IFT172: variants seen among roughly 807,000 people sequenced by gnomAD.
IFT172 encodes intraflagellar transport 172, also known as intraflagellar transport protein 172 homolog.
In IFT172, 164 loss-of-function variants were observed where a neutral mutation model predicts 248.9. That is an observed-to-expected ratio of 0.66 (90% confidence interval 0.58 to 0.75). The LOEUF is 0.75. IFT172 is among the 30% of genes least tolerant of loss of function. IFT172 has a pLI of 0.00. For synonymous variants in IFT172, 729 were observed against 791.6 expected (o/e 0.92, Z 1.33); for missense variants, 1,950 against 2,192.4 (o/e 0.89, Z 2.21).
chr2:27,478,360 T>G (rs913318213), intron 10 of IFT172, among the ~76,000 whole-genome samples: 1 of 152,248 alleles, frequency 6.6e-6, no homozygotes, highest in Non-Finnish European at 1.5e-5. Flanking sequence ...TATTATCTCT[T>G]TTGACACTCA....
At position 27,449,732 on chromosome 2, in the gene IFT172, C is replaced by T; in HGVS notation, c.4119G>A (p.Glu1373=). ...TAGCTACACGCTTCGCCTTGTTCCA[C>T]TCCTCACCCTCGATGAAAGCATCGA... ...EAIDAFIEGE[E]WNKAKRVAKE... The change falls in exon 37 of 48, where the codon GAG becomes GAA. Residue 1373 remains glutamate (E), a synonymous_variant. Coordinates refer to ENST00000260570, the MANE Select transcript of IFT172 (RefSeq NM_015662.3). 6.2e-7 allele frequency: 1 copy of T among 1,614,130 alleles called. No homozygotes were observed. The highest frequency in any genetic ancestry group is 8.5e-7 in the Non-Finnish European group (1 of 1,179,972).
chr2:27,484,098 A>T, intron 4 of IFT172, 129 bp downstream of exon 4: 1 of 1,383,500 alleles, frequency 7.2e-7, no homozygotes, highest in Non-Finnish European at 1.0e-6. Context: ...ACAGCCATGA[A>T]GCACCATCCT....
intron 47 of IFT172, 55 bp downstream of exon 47, chr2:27,444,959 T>C: frequency 6.3e-7 from 1 of 1,580,066 alleles, no homozygotes; most frequent in South Asian, 1.2e-5. Flanking sequence ...TTGTTTTTTT[T>C]TCTTTTTTTA....
Position 27,470,946 on chromosome 2 carries a change from G to GA in IFT172, c.1673dup (p.Thr559HisfsTer6). The GA allele has an allele frequency of 6.2e-7, 1 of 1,606,776 alleles. No homozygotes were observed. Among genetic ancestry groups the GA allele is most frequent in the East Asian group, 2.2e-5 (1 of 44,746 alleles). On this transcript the variant is annotated frameshift_variant, in exon 16 of 48. Transcript: ENST00000260570. LOFTEE classifies it high-confidence loss of function. The stretch of plus-strand genomic sequence containing the variant: ...AACATACCCTAATAGTGAACATGGT[G>GA]ACTCTCTCAGGTGCCTCAATGTTGT...
intron 18 of IFT172, among the ~76,000 whole-genome samples, chr2:27,464,697 C>G (rs1424644672): frequency 6.6e-6 from 1 of 151,996 alleles, no homozygotes; most frequent in Non-Finnish European, 1.5e-5. Context: ...CAGCTCACCG[C>G]AACTTTGCCT....
In IFT172 at chr2:27,446,132, TAGG is replaced by T. The variant is rs139979160; in HGVS notation, c.4755+125_4755+127del. 6.1e-3 allele frequency: 7,964 copies of T among 1,314,776 alleles called. 368 individuals are homozygous for T. In the African/African-American group the frequency reaches 0.1, roughly 17 times the overall value. The allele number at this position is 1,314,776 out of a possible 1,614,324, so 81.4% of individuals were successfully genotyped here. A position where few individuals can be genotyped will look rare whatever the true frequency, so the allele number is the denominator to read the frequency against. On this transcript the variant is annotated intron_variant, in intron 43 of 47. Coordinates refer to ENST00000260570, the MANE Select transcript of IFT172 (RefSeq NM_015662.3). ...CCAGGGAGAAAAATCCAGGAAGACATAGGAGGACTACATCCTCCGTAACATCAG... is the reference window on the plus strand; with the variant it reads ...CCAGGGAGAAAAATCCAGGAAGACATAGGACTACATCCTCCGTAACATCAG...
intron 43 of IFT172, 132 bp downstream of exon 43, chr2:27,446,128 G>T: frequency 7.6e-7 from 1 of 1,321,206 alleles, no homozygotes; most frequent in East Asian, 2.3e-5. Context: ...AATCCAGGAA[G>T]ACATAGGAGG....
At chr2:27,449,424 T>C in intron 38 of IFT172, 44 bp from the exon 39 acceptor site, 3 of 1,614,010 alleles carry the variant, frequency 1.9e-6, no homozygotes, top group South Asian at 2.2e-5. Flanking sequence ...AGAGATGACA[T>C]GAGGGAAAGA....
At position 27,461,058 on chromosome 2, in the gene IFT172, C is replaced by G. The variant is rs773740605; in HGVS notation, c.2478G>C (p.Gln826His). The change falls in exon 23 of 48, where the codon CAG becomes CAC. Residue 826 changes from glutamine (Q) to histidine (H), a missense_variant. Coordinates refer to ENST00000260570, the MANE Select transcript of IFT172 (RefSeq NM_015662.3). ...CTTTACGGTAGCACTCCAGGGCCTT[C>G]TGTGGATTGTGAATCTTCTCAAAGA... ...GDLFEKIHNP[Q>H]KALECYRKGN... 1 of 1,614,150 alleles carries G rather than the reference C, an allele frequency of 6.2e-7. No individual in the cohort carries two copies. The highest frequency in any genetic ancestry group is 8.5e-7 in the Non-Finnish European group (1 of 1,180,024).
Position 27,459,532 on chromosome 2 carries a change from T to C in IFT172, c.2643-10A>G, listed in dbSNP as rs1205300656. The C allele has an allele frequency of 1.2e-6, 2 of 1,613,892 alleles. No individual in the cohort carries two copies. Among genetic ancestry groups the C allele is most frequent in the East Asian group, 2.2e-5 (1 of 44,876 alleles). ...TGCCTTAATGGAGCACCTGGCAAAG[T>C]TGGGAAAGATATAAATATGTAGGAT... On this transcript the variant is annotated splice_polypyrimidine_tract_variant and intron_variant, in intron 24 of 47. Coordinates refer to ENST00000260570, the MANE Select transcript of IFT172 (RefSeq NM_015662.3).
At chr2:27,462,268 T>C (rs934746794) in intron 20 of IFT172, among the ~76,000 whole-genome samples, 7 of 152,028 alleles carry the variant, frequency 4.6e-5, no homozygotes, top group African/African-American at 1.7e-4. Flanking sequence ...CCTGACCTCA[T>C]GTGATCCACC....
intron 6 of IFT172, 96 bp from the exon 7 acceptor site, chr2:27,483,472 C>T: frequency 7.1e-7 from 1 of 1,416,974 alleles, no homozygotes; most frequent in Non-Finnish European, 9.9e-7. Context: ...TCTGTGCTTC[C>T]TGCTACCAGT....
intron 29 of IFT172, 47 bp from the exon 30 acceptor site, chr2:27,456,700 C>G: frequency 6.3e-7 from 1 of 1,589,150 alleles, no homozygotes. Flanking sequence ...GAGCTTCTCC[C>G]TTCTCATCTC....
intron 25 of IFT172, 127 bp from the exon 26 acceptor site, chr2:27,458,995 G>A: frequency 1.1e-6 from 1 of 903,396 alleles, no homozygotes; most frequent in African/African-American, 1.7e-5. Flanking sequence ...TAATAGAGAA[G>A]AAAAGATGAG....
At chr2:27,479,940 C>T (rs895133148) in intron 9 of IFT172, 86 bp downstream of exon 9, 1 of 1,494,810 alleles carries the variant, frequency 6.7e-7, no homozygotes, top group African/African-American at 1.4e-5. Flanking sequence ...TCTATAGTGT[C>T]AGGGAACAGT....
chr2:27,449,882 G>T, intron 36 of IFT172, 82 bp from the exon 37 acceptor site: 1 of 1,419,000 alleles, frequency 7.0e-7, no homozygotes, highest in Non-Finnish European at 9.8e-7. Flanking sequence ...GTTTCCCCAG[G>T]ACTGCAAGCC....
At chr2:27,481,464 C>T (rs1344723464) in intron 7 of IFT172, among the ~76,000 whole-genome samples, 1 of 151,812 alleles carries the variant, frequency 6.6e-6, no homozygotes, top group Admixed American at 6.6e-5. Context: ...TACACACACA[C>T]ACACACCCCT....
At chr2:27,461,951 A>C in intron 20 of IFT172, 115 bp from the exon 21 acceptor site, 1 of 1,003,478 alleles carries the variant, frequency 1.0e-6, no homozygotes, top group Non-Finnish European at 1.5e-6. Flanking sequence ...AAGCCTTTTA[A>C]CTACTATACC....
rs747734541 is a variant in IFT172 at position 27,462,772 on chromosome 2, A to G, written c.2044T>C (p.Tyr682His). 7 of 1,614,114 alleles carry G rather than the reference A, an allele frequency of 4.3e-6. No individual in the cohort carries two copies. Among genetic ancestry groups the G allele is most frequent in the Non-Finnish European group, 5.1e-6 (6 of 1,180,014 alleles). ...ATGGCTAGACGTGCTCGGACCTGAT[A>G]AAAGTCTGTTCCTTCTCCGCCCTGT... ...REYGGEGTDF[Y>H]QVRARLAMLE... is the part of the protein sequence containing the mutation. Residue 682 changes from tyrosine (Y) to histidine (H), a missense_variant, in exon 20 of 48, where the codon TAT (tyrosine) becomes CAT (histidine). Physicochemically the swap from Tyr to His is moderately conservative, Grantham distance 83 (BLOSUM62 2). Coordinates refer to ENST00000260570, the MANE Select transcript of IFT172 (RefSeq NM_015662.3).
Sources: gnomAD v4.1 joint callset for allele counts (sites outside exome capture counted in the v4.1 genomes callset) on GRCh38, gnomAD v4.1.1 for gene constraint, MANE v1.5 for transcripts, NCBI Gene and HGNC (gene_info 2026-07-23, HGNC 2026-07-21) for gene names.